DNAJB6: variants seen among roughly 807,000 people sequenced by gnomAD.
DNAJB6 encodes the protein dnaJ homolog subfamily B member 6.
DNAJB6 carries 16 observed loss-of-function variants against 42.7 expected under a neutral mutation model. That is an observed-to-expected ratio of 0.37 (90% CI 0.25 to 0.57). The LOEUF (loss-of-function observed/expected upper bound fraction) is 0.57. Among genes scored for constraint, DNAJB6 ranks in the 20% least tolerant of loss-of-function variants. The pLI, the probability that DNAJB6 is intolerant of heterozygous loss-of-function variation, is 0.74. For synonymous variants in DNAJB6, 170 were observed against 163.5 expected, an observed-to-expected ratio of 1.04 and a Z score of -0.30; for missense variants, 347 against 416.8, an observed-to-expected ratio of 0.83 and a Z score of 1.46.
At chr7:157,367,600 C>T (rs947786979) in intron 5 of DNAJB6, 117 bp downstream of exon 5, 98 of 694,238 alleles carry the variant, frequency 1.4e-4, no homozygotes, top group Middle Eastern at 2.5e-4. Flanking sequence ...GTGGCTCATG[C>T]CTGTAATCCC....
intron 3 of DNAJB6, among the ~76,000 whole-genome samples, chr7:157,363,876 C>T (rs1799724615): frequency 6.6e-6 from 1 of 151,996 alleles, no homozygotes; most frequent in African/African-American, 2.4e-5. Flanking sequence ...AGTCAGGGTT[C>T]CATGGGGGAA....
chr7:157,368,124 A>G (rs1025119437), intron 5 of DNAJB6, among the ~76,000 whole-genome samples: 3 of 152,210 alleles, frequency 2.0e-5, no homozygotes, highest in Non-Finnish European at 4.4e-5. Flanking sequence ...AAAAAAATAA[A>G]ACAGCACAGT....
At chr7:157,395,114 C>T (rs1005833854) in intron 8 of DNAJB6, among the ~76,000 whole-genome samples, 8 of 151,406 alleles carry the variant, frequency 5.3e-5, no homozygotes, top group Admixed American at 2.0e-4. Flanking sequence ...CCCCACCTCC[C>T]AAAAAACCCC....
intron 5 of DNAJB6, among the ~76,000 whole-genome samples, chr7:157,376,154 A>G (rs763157386): frequency 6.6e-6 from 1 of 152,134 alleles, no homozygotes; most frequent in Non-Finnish European, 1.5e-5. Flanking sequence ...GCTCAGAGAA[A>G]ATGTGTGGGT....
intron 8 of DNAJB6, among the ~76,000 whole-genome samples, chr7:157,405,298 A>C (rs1302747324): frequency 6.6e-6 from 1 of 152,096 alleles, no homozygotes; most frequent in Non-Finnish European, 1.5e-5. Context: ...TGCTGTGGGA[A>C]GTGTGCTGAG....
At chr7:157,355,146 T>G (rs73497174) in intron 1 of DNAJB6, among the ~76,000 whole-genome samples, 3,375 of 152,164 alleles carry the variant, frequency 0.022, 147 homozygotes, top group East Asian at 0.18. Context: ...TTCCCGTAGT[T>G]TCTTTTATTT....
chr7:157,361,561 ATGT>A (rs1320135331), intron 2 of DNAJB6, among the ~76,000 whole-genome samples: 2 of 152,216 alleles, frequency 1.3e-5, no homozygotes, highest in African/African-American at 4.8e-5. Flanking sequence ...TTTGTTGAAC[ATGT>A]TGTAAGTTAA....
At chr7:157,388,085 A>T (rs1801161421) in intron 8 of DNAJB6, among the ~76,000 whole-genome samples, 1 of 152,178 alleles carries the variant, frequency 6.6e-6, no homozygotes, top group African/African-American at 2.4e-5. Context: ...ACTTCAAGTG[A>T]TCCATCCACC....
Position 157,357,726 on chromosome 7 carries a change from G to A in DNAJB6, c.-26-821G>A, listed in dbSNP as rs892200540. The stretch of plus-strand genomic sequence containing the variant: ...GCAGTGTGCGTAGTTCCTCCTTGTG[G>A]GACCAGAGGCTACATCCTCCATTAG... On this transcript the variant is annotated intron_variant, in intron 1 of 9. Coordinates refer to ENST00000262177, the MANE Select transcript of DNAJB6 (RefSeq NM_058246.4). Among the ~76,000 whole-genome samples, 5 of 152,130 alleles carry A rather than the reference G, an allele frequency of 3.3e-5. No individual in the cohort carries two copies. The South Asian group carries it at 6.2e-4, about 19-fold the overall frequency.
In DNAJB6 at chr7:157,366,536, A is replaced by G. The variant is rs1379349475; in HGVS notation, c.210A>G (p.Lys70=). Residue 70 remains lysine (K), a synonymous_variant, in exon 4 of 10, where the codon AAA becomes AAG. Coordinates refer to ENST00000262177, the MANE Select transcript of DNAJB6 (RefSeq NM_058246.4). The part of the protein sequence containing the change: ...KKRDIYDKYG[K]EGLNGGGGGG... ...GGGACATCTATGACAAATATGGCAAAGAAGGATTAAATGGTGGAGGAGGAG... is the reference window on the plus strand; with the variant it reads ...GGGACATCTATGACAAATATGGCAAGGAAGGATTAAATGGTGGAGGAGGAG... 1 of 1,614,084 alleles carries G rather than the reference A, an allele frequency of 6.2e-7. No homozygotes were observed. The highest frequency in any genetic ancestry group is 2.2e-5 in the East Asian group (1 of 44,858).
At chr7:157,371,102 G>T (rs955041972) in intron 5 of DNAJB6, among the ~76,000 whole-genome samples, 1 of 152,140 alleles carries the variant, frequency 6.6e-6, no homozygotes, top group Admixed American at 6.6e-5. Flanking sequence ...AACTGCACAC[G>T]CGAGGGACCT....
At chr7:157,384,146 T>C (rs1001373072) in intron 6 of DNAJB6, among the ~76,000 whole-genome samples, 7 of 152,162 alleles carry the variant, frequency 4.6e-5, no homozygotes, top group Non-Finnish European at 8.8e-5. Flanking sequence ...TATCGAAAAA[T>C]AGGTTTGCTT....
intron 1 of DNAJB6, among the ~76,000 whole-genome samples, chr7:157,347,994 T>TAGA (rs1798774455): frequency 1.3e-5 from 2 of 150,856 alleles, no homozygotes; most frequent in Non-Finnish European, 3.0e-5. Flanking sequence ...TGGTGTTACG[T>TAGA]CATGTTGGTC....
At chr7:157,352,294 A>G (rs1241304291) in intron 1 of DNAJB6, among the ~76,000 whole-genome samples, 1 of 151,386 alleles carries the variant, frequency 6.6e-6, no homozygotes, top group Non-Finnish European at 1.5e-5. Context: ...GTGCTACTCT[A>G]CTCTGGCGAC....
rs1176751078 is a variant in DNAJB6 at position 157,416,426 on chromosome 7, G to A, written c.*328G>A. ...CTCCGCATGCTGCTGGAATATTTCT[G>A]GCTTTAGAAGTACAGGAGGGCGCAG... On this transcript the variant is annotated 3_prime_UTR_variant, in exon 10 of 10. Transcript: ENST00000262177. 1.7e-5 allele frequency: 5 copies of A among 300,488 alleles called. No individual in the cohort carries two copies. The highest frequency in any genetic ancestry group is 3.2e-5 in the Non-Finnish European group (5 of 157,210). The allele number at this position is 300,488 out of a possible 1,614,324, so 18.6% of individuals were successfully genotyped here. A position where few individuals can be genotyped will look rare whatever the true frequency, so the allele number is the denominator to read the frequency against.
At chr7:157,359,419 C>T (rs1799466874) in intron 2 of DNAJB6, among the ~76,000 whole-genome samples, 3 of 152,274 alleles carry the variant, frequency 2.0e-5, no homozygotes, top group South Asian at 4.1e-4. Context: ...CAATATGTTG[C>T]TCAGGCTGGT....
intron 3 of DNAJB6, 46 bp from the exon 4 acceptor site, chr7:157,366,456 G>T (rs768888095): frequency 1.3e-6 from 2 of 1,544,796 alleles, no homozygotes; most frequent in Admixed American, 1.7e-5. Context: ...TTGAATTAAG[G>T]GTTTAAAAGG....
intron 1 of DNAJB6, among the ~76,000 whole-genome samples, chr7:157,358,327 TC>T (rs1168032702): frequency 6.6e-6 from 1 of 152,160 alleles, no homozygotes; most frequent in Admixed American, 6.6e-5. Flanking sequence ...AGAGCTTTTT[TC>T]CCCGTCTCTA....
chr7:157,403,651 T>G (rs1453453055), intron 8 of DNAJB6, among the ~76,000 whole-genome samples: 1 of 152,130 alleles, frequency 6.6e-6, no homozygotes, highest in East Asian at 1.9e-4. Context: ...CCACCTTCTT[T>G]AGGAATAAAA....
Sources: gnomAD v4.1 joint callset for allele counts (sites outside exome capture counted in the v4.1 genomes callset) on GRCh38, gnomAD v4.1.1 for gene constraint, MANE v1.5 for transcripts, NCBI Gene and HGNC (gene_info 2026-07-23, HGNC 2026-07-21) for gene names.